Variants in CACNA2D3 observed in about 807,000 individuals in gnomAD.
CACNA2D3 encodes voltage-dependent calcium channel subunit alpha-2/delta-3.
Under a neutral mutation model 160.6 loss-of-function variants are expected in CACNA2D3, and 60 were observed. The observed-to-expected ratio is 0.37, with a 90% CI of 0.30 to 0.46. The LOEUF (loss-of-function observed/expected upper bound fraction) is 0.46, where lower values mean the gene tolerates loss of function less well. Among genes scored for constraint, CACNA2D3 ranks in the 20% least tolerant of loss-of-function variants. The pLI, the probability that CACNA2D3 is intolerant of heterozygous loss-of-function variation, is 1.00. For synonymous variants in CACNA2D3, 558 were observed against 492.9 expected, an observed-to-expected ratio of 1.13 and a Z score of -1.75; for missense variants, 1,205 against 1,365.0, an observed-to-expected ratio of 0.88 and a Z score of 1.85.
At chr3:55,028,916 C>T (rs1419957430) in intron 35 of CACNA2D3, among the ~76,000 whole-genome samples, 2 of 152,162 alleles carry the variant, frequency 1.3e-5, no homozygotes, top group Non-Finnish European at 2.9e-5. Context: ...CATCGCTTCT[C>T]CCCACGCACC....
At chr3:54,619,718 G>A (rs1032796268) in intron 9 of CACNA2D3, among the ~76,000 whole-genome samples, 1 of 152,100 alleles carries the variant, frequency 6.6e-6, no homozygotes, top group Non-Finnish European at 1.5e-5. Context: ...TGCTTCCCAC[G>A]GGAATTAAAT....
rs1559563609 is a variant in CACNA2D3 at position 54,736,056 on chromosome 3, TGTATGTATATATATATAC to T, written c.1168-16542_1168-16525del. ...ATATGTATATATATACACATACATATGTATGTATATATATATACATATATATGTATGTGTATATATATA... is the reference window on the plus strand; with the variant it reads ...ATATGTATATATATACACATACATATATATATATGTATGTGTATATATATA... On this transcript the variant is annotated intron_variant, in intron 11 of 37. Coordinates refer to ENST00000474759, the MANE Select transcript of CACNA2D3 (RefSeq NM_018398.3). Among the ~76,000 whole-genome samples the T allele has an allele frequency of 1.1e-3, 49 of 43,748 alleles. 2 individuals carry two copies. The highest frequency in any genetic ancestry group is 2.1e-3 in the Non-Finnish European group (36 of 17,344). 28.7% of individuals were successfully genotyped at this position (43,748 alleles called of 152,430 possible).
At chr3:54,682,269 T>C (rs1451907427) in intron 11 of CACNA2D3, among the ~76,000 whole-genome samples, 1 of 152,144 alleles carries the variant, frequency 6.6e-6, no homozygotes, top group Non-Finnish European at 1.5e-5. Flanking sequence ...GGCATAATTA[T>C]ATGCAGACTT....
At chr3:54,514,897 G>C (rs541986866) in intron 5 of CACNA2D3, among the ~76,000 whole-genome samples, 1 of 152,162 alleles carries the variant, frequency 6.6e-6, no homozygotes, top group Non-Finnish European at 1.5e-5. Context: ...AGAATCTACC[G>C]CTTGTGCCAT....
chr3:54,639,167 C>G (rs1268016081), intron 10 of CACNA2D3: 2 of 151,544 alleles, frequency 1.3e-5, no homozygotes, highest in African/African-American at 4.9e-5. Flanking sequence ...TTCTTGCCCC[C>G]TAGGAAAGCG....
intron 11 of CACNA2D3, among the ~76,000 whole-genome samples, chr3:54,662,071 AG>A (rs1428482207): frequency 6.6e-6 from 1 of 152,090 alleles, no homozygotes; most frequent in Non-Finnish European, 1.5e-5. Flanking sequence ...AAATTACATA[AG>A]GGCAGATATC....
At chr3:54,864,669 T>G (rs1009692247) in intron 17 of CACNA2D3, among the ~76,000 whole-genome samples, 18 of 152,154 alleles carry the variant, frequency 1.2e-4, no homozygotes, top group Admixed American at 1.3e-4. Context: ...GACCGGCTAG[T>G]GGGATTTGAC....
intron 27 of CACNA2D3, among the ~76,000 whole-genome samples, chr3:54,951,252 T>C (rs907691518): frequency 8.5e-5 from 13 of 152,330 alleles, no homozygotes; most frequent in Non-Finnish European, 1.2e-4. Flanking sequence ...GTGGCCACTA[T>C]GTAGACATCT....
At chr3:54,792,184 G>T (rs2106649454) in intron 13 of CACNA2D3, among the ~76,000 whole-genome samples, 1 of 152,288 alleles carries the variant, frequency 6.6e-6, no homozygotes, top group Middle Eastern at 3.4e-3. Context: ...ACTGAAGGGT[G>T]AGCAGGCAAC....
intron 9 of CACNA2D3, among the ~76,000 whole-genome samples, chr3:54,622,561 C>T (rs953414813): frequency 3.4e-5 from 5 of 148,574 alleles, no homozygotes; most frequent in Non-Finnish European, 7.4e-5. Flanking sequence ...AGGCATGAGC[C>T]ACTGCACCTG....
At chr3:54,386,539 G>T (rs954644724) in intron 3 of CACNA2D3, among the ~76,000 whole-genome samples, 176 bp from the exon 4 acceptor site, 1 of 152,132 alleles carries the variant, frequency 6.6e-6, no homozygotes, top group Admixed American at 6.5e-5. Context: ...AATGATGGAG[G>T]CAGAAACCCA....
intron 36 of CACNA2D3, 59 bp from the exon 37 acceptor site, chr3:55,073,718 C>A (rs904957336): frequency 6.9e-7 from 1 of 1,445,664 alleles, no homozygotes; most frequent in Admixed American, 1.8e-5. Context: ...AAATTTTGAC[C>A]TCTGAAATGC....
chr3:54,957,160 A>C (rs1378988037), intron 27 of CACNA2D3, among the ~76,000 whole-genome samples: 1 of 79,760 alleles, frequency 1.3e-5, no homozygotes, highest in Non-Finnish European at 2.4e-5. Flanking sequence ...GTTATAAAAT[A>C]ATTTTCTTTT....
At chr3:55,050,627 T>A (rs1002202476) in intron 35 of CACNA2D3, among the ~76,000 whole-genome samples, 1 of 135,624 alleles carries the variant, frequency 7.4e-6, no homozygotes, top group African/African-American at 3.0e-5. Context: ...GTTCTCTGTA[T>A]TTCCTGAATC....
At chr3:54,857,548 G>A (rs1190539932) in intron 17 of CACNA2D3, among the ~76,000 whole-genome samples, 1 of 152,160 alleles carries the variant, frequency 6.6e-6, no homozygotes, top group Admixed American at 6.5e-5. Context: ...TTATGCCACA[G>A]TTGCCCGTAG....
intron 18 of CACNA2D3, among the ~76,000 whole-genome samples, chr3:54,876,799 C>T (rs185734471): frequency 1.3e-5 from 2 of 152,302 alleles, no homozygotes; most frequent in African/African-American, 4.8e-5. Context: ...TCAGTAAGAA[C>T]TCAGTAAACA....
intron 11 of CACNA2D3, among the ~76,000 whole-genome samples, chr3:54,689,285 G>T (rs578191836): frequency 1.3e-5 from 2 of 152,032 alleles, no homozygotes; most frequent in Non-Finnish European, 2.9e-5. Flanking sequence ...TTCCCGCTCA[G>T]TTCTTCCAGC....
intron 5 of CACNA2D3, among the ~76,000 whole-genome samples, chr3:54,518,139 C>T (rs1035468733): frequency 1.2e-4 from 19 of 152,096 alleles, no homozygotes; most frequent in Admixed American, 7.2e-4. Context: ...GTGGAATTTT[C>T]CCCTGCTAAA....
At chr3:54,822,123 A>G (rs7640541) in intron 14 of CACNA2D3, among the ~76,000 whole-genome samples, 89,569 of 151,928 alleles carry the variant, frequency 0.59, 26,728 homozygotes, top group Non-Finnish European at 0.64. Flanking sequence ...TGAAAACCCT[A>G]TTTTTCTCCT....
Sources: gnomAD v4.1 joint callset for allele counts (sites outside exome capture counted in the v4.1 genomes callset) on GRCh38, gnomAD v4.1.1 for gene constraint, MANE v1.5 for transcripts, NCBI Gene and HGNC (gene_info 2026-07-23, HGNC 2026-07-21) for gene names.